Variants in ATP2C1 observed in about 807,000 individuals in gnomAD.
ATP2C1 encodes the protein ATPase secretory pathway Ca2+ transporting 1.
ATP2C1 carries 31 observed loss-of-function variants against 120.5 expected under a neutral mutation model. The ratio of observed to expected loss-of-function variants is 0.26; its 90% CI spans 0.19 to 0.35. The LOEUF (loss-of-function observed/expected upper bound fraction) is 0.35, where lower values mean the gene tolerates loss of function less well. Among genes scored for constraint, ATP2C1 ranks in the 10% least tolerant of loss-of-function variants. The probability of loss-of-function intolerance (pLI) is 1.00; values close to 1 mark genes in which losing one functional copy is unlikely to be tolerated. For synonymous variants in ATP2C1, 351 were observed against 358.7 expected, an observed-to-expected ratio of 0.98 and a Z score of 0.24; for missense variants, 731 against 1,107.5, an observed-to-expected ratio of 0.66 and a Z score of 4.83.
chr3:130,899,507 GAAAA>G (rs2069953252), intron 2 of ATP2C1: 1 of 152,128 alleles, frequency 6.6e-6, no homozygotes, highest in Non-Finnish European at 1.5e-5. Context: ...GTAGGCTGAA[GAAAA>G]GGAGGGGTTG....
chr3:130,888,430 G>C (rs185843915), intron 1 of ATP2C1, among the ~76,000 whole-genome samples: 2 of 152,340 alleles, frequency 1.3e-5, no homozygotes, highest in Admixed American at 1.3e-4. Flanking sequence ...GTCCTAGACA[G>C]ACTTTCAAGT....
intron 2 of ATP2C1, among the ~76,000 whole-genome samples, chr3:130,902,284 G>GTTTTTTTTTTTTTTTTTT (rs1157956407): frequency 6.1e-5 from 4 of 65,506 alleles, no homozygotes; most frequent in African/African-American, 1.1e-4. Context: ...AAGGCTTCAC[G>GTTTTTTTTTTTTTTTTTT]TTTTTTTTTT....
chr3:130,871,980 C>G (rs145388826), intron 1 of ATP2C1, among the ~76,000 whole-genome samples: 2,075 of 149,636 alleles, frequency 0.014, 30 homozygotes, highest in East Asian at 0.075. Context: ...GGAGATCATG[C>G]CACTGCATTC....
At chr3:130,957,441 C>T (rs1420240661) in intron 11 of ATP2C1, among the ~76,000 whole-genome samples, 2 of 152,114 alleles carry the variant, frequency 1.3e-5, no homozygotes, top group East Asian at 1.9e-4. Context: ...ATTGAAGTCA[C>T]GTTTTTATCA....
intron 27 of ATP2C1, among the ~76,000 whole-genome samples, chr3:131,000,509 G>A (rs1039347289): frequency 3.9e-5 from 6 of 152,144 alleles, no homozygotes; most frequent in African/African-American, 1.4e-4. Flanking sequence ...ACATATTAAT[G>A]TCAAATTTTT....
intron 2 of ATP2C1, among the ~76,000 whole-genome samples, chr3:130,898,662 C>T (rs2069860290): frequency 6.6e-6 from 1 of 152,064 alleles, no homozygotes. Context: ...AGTTGGATTC[C>T]AAATACTTGA....
In ATP2C1 at chr3:131,001,260, A is replaced by T; in HGVS notation, c.2670A>T (p.Ile890=). ...TGGGTCTCACCTCATCAGTGTGCAT[A>T]GTGGCAGAAATTATAAAGAAGGTTG... ...FLLGLTSSVC[I]VAEIIKKVER... The change falls in exon 28 of 28, where the codon ATA becomes ATT. Residue 890 remains isoleucine, a synonymous_variant. Coordinates refer to ENST00000510168, the MANE Select transcript of ATP2C1 (RefSeq NM_001378687.1). 2 of 1,613,950 alleles carry T rather than the reference A, an allele frequency of 1.2e-6. No homozygotes were observed. The highest frequency in any genetic ancestry group is 2.7e-5 in the African/African-American group (2 of 75,018).
chr3:130,933,825 A>C (rs1427853812), intron 4 of ATP2C1, among the ~76,000 whole-genome samples: 1 of 152,220 alleles, frequency 6.6e-6, no homozygotes, highest in East Asian at 1.9e-4. Context: ...GAATGGAACC[A>C]TAAAGGGGCT....
chr3:130,901,168 T>C (rs1284944925), intron 2 of ATP2C1, among the ~76,000 whole-genome samples: 1 of 152,112 alleles, frequency 6.6e-6, no homozygotes, highest in South Asian at 2.1e-4. Context: ...TGTGTCCTTT[T>C]CTTAATGCTT....
rs958962476 is a variant in ATP2C1, at chr3:131,001,874, A to G, written c.*524A>G. ...GTAAGCAGCTCAGATACCATGTGCT[A>G]TCATTTTTGTATCAAGTTTTTTGCA... On this transcript the variant is annotated 3_prime_UTR_variant, in exon 28 of 28. Transcript: ENST00000510168. 1 of 985,756 alleles carries G rather than the reference A, an allele frequency of 1.0e-6. No individual in the cohort carries two copies. The highest frequency in any genetic ancestry group is 1.2e-6 in the Non-Finnish European group (1 of 829,904). The allele number at this position is 985,756 out of a possible 1,614,324, so 61.1% of individuals were successfully genotyped here. A position where few individuals can be genotyped will look rare whatever the true frequency, so the allele number is the denominator to read the frequency against.
Position 130,996,116 on chromosome 3 carries a change from GTT to G in ATP2C1, c.2126+7_2126+8del. 2 of 1,604,894 alleles carry G rather than the reference GTT, an allele frequency of 1.2e-6. No homozygotes were observed. The highest frequency in any genetic ancestry group is 1.7e-6 in the Non-Finnish European group (2 of 1,171,600). On this transcript the variant is annotated splice_donor_region_variant and intron_variant, in intron 23 of 27. Transcript: ENST00000510168. Reference sequence around the variant, plus strand: ...CGTTAGATTCCAGCTGAGCACGTAAGTTTGCAAGAAATTTGTCACCATGGGTC... The same window carrying G: ...CGTTAGATTCCAGCTGAGCACGTAAGTGCAAGAAATTTGTCACCATGGGTC...
At chr3:130,965,176 T>C (rs1264222438) in intron 14 of ATP2C1, 131 bp downstream of exon 14, 1 of 688,074 alleles carries the variant, frequency 1.5e-6, no homozygotes, top group Non-Finnish European at 2.6e-6. Context: ...ATTTTCTCTC[T>C]CTGTGATTTT....
intron 2 of ATP2C1, among the ~76,000 whole-genome samples, chr3:130,904,868 A>G (rs552405987): frequency 1.7e-4 from 26 of 152,188 alleles, no homozygotes; most frequent in Admixed American, 5.9e-4. Flanking sequence ...TAATTATCCA[A>G]TTAATTTATT....
At chr3:130,966,450 T>A (rs1454455051) in intron 14 of ATP2C1, among the ~76,000 whole-genome samples, 1 of 152,140 alleles carries the variant, frequency 6.6e-6, no homozygotes, top group Non-Finnish European at 1.5e-5. Context: ...TTAATAGAGA[T>A]GGATCTTGCT....
intron 8 of ATP2C1, among the ~76,000 whole-genome samples, chr3:130,943,740 G>A (rs1287786137): frequency 4.6e-5 from 7 of 152,090 alleles, no homozygotes. Flanking sequence ...TGTTTTGCCT[G>A]TTACTTGCTA....
chr3:130,947,955 G>C (rs997591645), intron 8 of ATP2C1, among the ~76,000 whole-genome samples: 3 of 152,072 alleles, frequency 2.0e-5, no homozygotes, highest in Non-Finnish European at 4.4e-5. Flanking sequence ...ATACAAAATC[G>C]TACAGCCCAC....
At position 131,002,834 on chromosome 3, in the gene ATP2C1, A is replaced by G. The variant is rs1190383067; in HGVS notation, c.*1484A>G. ...TTCTTTGAGTCATTGTTACTGAGGC[A>G]GTTGAGTGTAAGGAGCTGGCTGCAG... On this transcript the variant is annotated 3_prime_UTR_variant, in exon 28 of 28. Transcript: ENST00000510168. 1 of 985,832 alleles carries G rather than the reference A, an allele frequency of 1.0e-6. No homozygotes were observed. Among genetic ancestry groups the G allele is most frequent in the Non-Finnish European group, 1.2e-6 (1 of 829,920 alleles). 61.1% of individuals were successfully genotyped at this position (985,832 alleles called of 1,614,324 possible).
At chr3:130,988,382 C>T (rs1466541091) in intron 20 of ATP2C1, among the ~76,000 whole-genome samples, 1 of 152,128 alleles carries the variant, frequency 6.6e-6, no homozygotes, top group Non-Finnish European at 1.5e-5. Flanking sequence ...AAAAATACCC[C>T]TTGTAGATTG....
At chr3:130,854,122 C>T (rs1273477931) in intron 1 of ATP2C1, 1 of 152,124 alleles carries the variant, frequency 6.6e-6, no homozygotes, top group East Asian at 1.9e-4. Flanking sequence ...GTGATACAGC[C>T]ATCAATAGGT....
Sources: allele counts gnomAD v4.1 joint callset (sites outside exome capture counted in the v4.1 genomes callset), GRCh38; gene constraint gnomAD v4.1.1; transcripts MANE v1.5; gene names NCBI Gene and HGNC (gene_info 2026-07-23, HGNC 2026-07-21).